The following AFG2A variants were observed in gnomAD, a reference collection of about 807,000 sequenced individuals.
AFG2A encodes AAA ATPase AFG2A.
At chr4:123,012,480 T>G in the AFG2A span, among the ~76,000 whole-genome samples, 2 of 152,106 alleles carry the variant, frequency 1.3e-5, no homozygotes, top group East Asian at 3.9e-4. Flanking sequence ...GTCCCCACAA[T>G]TGACTTGCCA....
chr4:122,984,359 G>A, the AFG2A span, among the ~76,000 whole-genome samples: 1 of 152,104 alleles, frequency 6.6e-6, no homozygotes, highest in Admixed American at 6.5e-5. Flanking sequence ...CTCCTAAGGA[G>A]GAGTCCTTAG....
chr4:123,026,407 A>G, the AFG2A span, among the ~76,000 whole-genome samples: 1 of 152,156 alleles, frequency 6.6e-6, no homozygotes. Flanking sequence ...AATCATATAG[A>G]ACTAAAAAAA....
chr4:123,294,218 G>T, the AFG2A span, among the ~76,000 whole-genome samples: 1 of 152,180 alleles, frequency 6.6e-6, no homozygotes, highest in Admixed American at 6.5e-5. Context: ...TCTGATGAGG[G>T]TGGCAGGGGA....
At chr4:123,196,167 A>ATTTTTTT in the AFG2A span, among the ~76,000 whole-genome samples, 15,799 of 79,388 alleles carry the variant, frequency 0.2, 3,258 homozygotes, top group East Asian at 0.4. Flanking sequence ...TGCCCAGCTA[A>ATTTTTTT]TTTTTTTTTT....
chr4:122,948,462 G>A, the AFG2A span, among the ~76,000 whole-genome samples: 1,138 of 150,912 alleles, frequency 7.5e-3, 41 homozygotes, highest in South Asian at 0.11. Flanking sequence ...ATTGGTGGCG[G>A]TATTGATGAT....
the AFG2A span, among the ~76,000 whole-genome samples, chr4:123,170,226 G>A: frequency 6.6e-6 from 1 of 152,152 alleles, no homozygotes; most frequent in Non-Finnish European, 1.5e-5. Flanking sequence ...TTTTGAACTA[G>A]TAAGTCTTCT....
chr4:123,193,571 A>T, the AFG2A span, among the ~76,000 whole-genome samples: 24 of 152,226 alleles, frequency 1.6e-4, no homozygotes, highest in Non-Finnish European at 2.9e-5. Context: ...ATGATTTAAC[A>T]TTTTAAAGTA....
At chr4:122,943,120 G>T in the AFG2A span, among the ~76,000 whole-genome samples, 1 of 152,174 alleles carries the variant, frequency 6.6e-6, no homozygotes, top group Non-Finnish European at 1.5e-5. Context: ...TGTTGATCTG[G>T]GGTGGAGAGT....
At chr4:122,999,023 A>G in the AFG2A span, among the ~76,000 whole-genome samples, 1 of 151,876 alleles carries the variant, frequency 6.6e-6, no homozygotes, top group East Asian at 1.9e-4. Context: ...GTGAGATGGT[A>G]TCTCATTGTG....
the AFG2A span, among the ~76,000 whole-genome samples, chr4:123,203,398 C>T: frequency 6.6e-6 from 1 of 152,136 alleles, no homozygotes; most frequent in African/African-American, 2.4e-5. Context: ...TCTTGGCTCA[C>T]TGCAACCTCC....
At chr4:123,144,680 A>C in the AFG2A span, among the ~76,000 whole-genome samples, 2 of 152,142 alleles carry the variant, frequency 1.3e-5, no homozygotes, top group Non-Finnish European at 2.9e-5. Context: ...TTCTCTCAAT[A>C]AAGTTGGGGG....
the AFG2A span, among the ~76,000 whole-genome samples, chr4:123,270,786 C>T: frequency 1.3e-5 from 2 of 152,002 alleles, no homozygotes; most frequent in Non-Finnish European, 2.9e-5. Context: ...GATCAAAGTA[C>T]AATTAGAAGA....
At chr4:123,024,459 G>C in the AFG2A span, among the ~76,000 whole-genome samples, 1 of 152,182 alleles carries the variant, frequency 6.6e-6, no homozygotes, top group South Asian at 2.1e-4. Context: ...AAAACCAAAA[G>C]GAAAGGTGGT....
the AFG2A span, among the ~76,000 whole-genome samples, chr4:122,959,269 T>C: frequency 6.6e-6 from 1 of 152,234 alleles, no homozygotes; most frequent in Non-Finnish European, 1.5e-5. Flanking sequence ...CAGAAGTTTT[T>C]TGTGATAGTA....
the AFG2A span, among the ~76,000 whole-genome samples, chr4:123,109,285 G>A: frequency 6.6e-6 from 1 of 152,144 alleles, no homozygotes; most frequent in South Asian, 2.1e-4. Flanking sequence ...GCTAAACTAA[G>A]CCAAGATTGG....
At chr4:123,015,796 G>A in the AFG2A span, among the ~76,000 whole-genome samples, 17,345 of 105,242 alleles carry the variant, frequency 0.16, 1,784 homozygotes, top group East Asian at 0.47. Context: ...CGGACCGGGC[G>A]GCTCGGGTGG....
the AFG2A span, among the ~76,000 whole-genome samples, chr4:123,224,317 C>A: frequency 6.6e-6 from 1 of 152,098 alleles, no homozygotes; most frequent in East Asian, 1.9e-4. Context: ...CCCATTAACT[C>A]GTCATTTAAT....
chr4:122,949,186 A>T, the AFG2A span, among the ~76,000 whole-genome samples: 1 of 152,130 alleles, frequency 6.6e-6, no homozygotes, highest in African/African-American at 2.4e-5. Context: ...GGCAGTTAAG[A>T]TGTCCAGGGC....
chr4:123,038,500 C>T, the AFG2A span, among the ~76,000 whole-genome samples: 1 of 151,976 alleles, frequency 6.6e-6, no homozygotes, highest in African/African-American at 2.4e-5. Flanking sequence ...ACTCTTTGTA[C>T]CAAAATACAG....
Sources: allele counts gnomAD v4.1 joint callset (sites outside exome capture counted in the v4.1 genomes callset), GRCh38; gene constraint gnomAD v4.1.1; transcripts MANE v1.5; gene names NCBI Gene and HGNC (gene_info 2026-07-23, HGNC 2026-07-21).